Variants in BRIP1 observed in about 807,000 individuals in gnomAD.
The protein encoded by BRIP1 is BRCA1 interacting DNA helicase 1, also known as Fanconi anemia group J protein.
Under a neutral mutation model 119.7 loss-of-function variants are expected in BRIP1, and 88 were observed. The ratio of observed to expected loss-of-function variants is 0.74; its 90% CI spans 0.62 to 0.88. The LOEUF is 0.88. BRIP1 is among the 40% of genes least tolerant of loss of function. The pLI is 0.00. For missense variants in BRIP1, 1,259 were observed against 1,455.4 expected (o/e 0.87, Z 2.20); for synonymous variants, 443 against 496.5 (o/e 0.89, Z 1.43).
chr17:61,825,813 A>G lies in BRIP1; in HGVS notation c.628-17056T>C, dbSNP rs2078398836. On this transcript the variant is annotated intron_variant, in intron 6 of 19. Coordinates refer to ENST00000259008, the MANE Select transcript of BRIP1 (RefSeq NM_032043.3). This position sits in a 1 kb window ranked among gnomAD's most constrained non-coding sequence, Gnocchi z 4.1. The stretch of plus-strand genomic sequence containing the variant: ...GGATAGGAATAATCAGTATCATTAA[A>G]AAGGTCATACTGCCCAAAGCAATTT... Among the ~76,000 whole-genome samples, 1 of 152,140 alleles carries G rather than the reference A, an allele frequency of 6.6e-6. No individual in the cohort carries two copies. Among genetic ancestry groups the G allele is most frequent in the Non-Finnish European group, 1.5e-5 (1 of 68,018 alleles).
chr17:61,714,298 C>T (rs774895596), intron 17 of BRIP1, among the ~76,000 whole-genome samples: 4 of 152,194 alleles, frequency 2.6e-5, no homozygotes, highest in Admixed American at 6.5e-5. Context: ...ACTACTTGAT[C>T]GACTCACTCA....
rs967568379 is a variant in BRIP1 at position 61,701,599 on chromosome 17, T to C, written c.2493-8087A>G. On this transcript the variant is annotated intron_variant, in intron 17 of 19. Coordinates refer to ENST00000259008, the MANE Select transcript of BRIP1 (RefSeq NM_032043.3). This position sits in a 1 kb window ranked among gnomAD's most constrained non-coding sequence, Gnocchi z 5.1. ...TTTCTTAGCATGTCCACATCACTGG[T>C]CACATGCACTCTCCTACACATATGC... 1.3e-5 allele frequency among the ~76,000 whole-genome samples: 2 copies of C among 152,222 alleles called. No homozygotes were observed. Among genetic ancestry groups the C allele is most frequent in the Non-Finnish European group, 2.9e-5 (2 of 68,032 alleles).
chr17:61,728,626 C>T (rs1370313392), intron 16 of BRIP1, among the ~76,000 whole-genome samples: 2 of 152,028 alleles, frequency 1.3e-5, no homozygotes, highest in African/African-American at 2.4e-5. Context: ...GGATGTGTAC[C>T]GCAAAGATGA....
At position 61,832,405 on chromosome 17, in the gene BRIP1, G is replaced by A. The variant is rs2078506672; in HGVS notation, c.627+14696C>T. ...TAATTTCAGAGTTCTTCCCCATAAAGTCCTCTTTTATAAAGGCAAAAAGAT... is the reference window on the plus strand; with the variant it reads ...TAATTTCAGAGTTCTTCCCCATAAAATCCTCTTTTATAAAGGCAAAAAGAT... On this transcript the variant is annotated intron_variant, in intron 6 of 19. Transcript: ENST00000259008. The surrounding 1 kb of genome is among the most constrained non-coding windows in gnomAD (Gnocchi z 5.5). Among the ~76,000 whole-genome samples the A allele has an allele frequency of 6.6e-6, 1 of 152,026 alleles. No individual in the cohort carries two copies. Among genetic ancestry groups the A allele is most frequent in the South Asian group, 2.1e-4 (1 of 4,822 alleles).
chr17:61,763,688 G>A (rs896808511), intron 14 of BRIP1, among the ~76,000 whole-genome samples: 7 of 152,092 alleles, frequency 4.6e-5, no homozygotes, highest in Non-Finnish European at 1.0e-4. Context: ...TAACCCTTGA[G>A]TTAACTAGAT....
rs1158584565 is a variant in BRIP1 at position 61,804,408 on chromosome 17, ATATGTGTGTGTG to A, written c.919-2946_919-2935del. 2.4e-5 allele frequency among the ~76,000 whole-genome samples: 3 copies of A among 123,564 alleles called. No individual in the cohort carries two copies. Among genetic ancestry groups the A allele is most frequent in the Non-Finnish European group, 3.3e-5 (2 of 60,064 alleles). The allele number at this position is 123,564 out of a possible 152,430, so 81.1% of individuals were successfully genotyped here. The stretch of plus-strand genomic sequence containing the variant: ...AAAAGACTTTGAGGCAGCTATATAC[ATATGTGTGTGTG>A]TGTGTGTGTGTGTGTGTGTGTGTGT... On this transcript the variant is annotated intron_variant, in intron 7 of 19. Coordinates refer to ENST00000259008, the MANE Select transcript of BRIP1 (RefSeq NM_032043.3). This position sits in a 1 kb window ranked among gnomAD's most constrained non-coding sequence, Gnocchi z 4.5.
intron 11 of BRIP1, among the ~76,000 whole-genome samples, chr17:61,782,151 C>T (rs1216786860): frequency 3.0e-4 from 45 of 151,730 alleles, no homozygotes; most frequent in African/African-American, 1.1e-3. Flanking sequence ...TTTGGGAGGC[C>T]GAGGTGGGCG....
Position 61,738,067 on chromosome 17 carries a change from A to G in BRIP1, c.2379+4946T>C, listed in dbSNP as rs2076941706. 6.6e-6 allele frequency among the ~76,000 whole-genome samples: 1 copy of G among 152,174 alleles called. No individual in the cohort carries two copies. Among genetic ancestry groups the G allele is most frequent in the African/African-American group, 2.4e-5 (1 of 41,446 alleles). ...GCCTTGGCTAGTCTGTTGGTCCACA[A>G]AGAATGAAATACAGGTGGAACAGAG... On this transcript the variant is annotated intron_variant, in intron 16 of 19. Coordinates refer to ENST00000259008, the MANE Select transcript of BRIP1 (RefSeq NM_032043.3). This position sits in a 1 kb window ranked among gnomAD's most constrained non-coding sequence, Gnocchi z 4.2.
intron 17 of BRIP1, among the ~76,000 whole-genome samples, chr17:61,711,807 G>A (rs1490423283): frequency 6.6e-6 from 1 of 151,966 alleles, no homozygotes; most frequent in African/African-American, 2.4e-5. Flanking sequence ...GGTAGAGGTT[G>A]CAGTGAACTG....
chr17:61,772,541 G>A (rs1031895924), intron 14 of BRIP1, among the ~76,000 whole-genome samples: 73 of 152,152 alleles, frequency 4.8e-4, no homozygotes, highest in African/African-American at 1.3e-3. Flanking sequence ...TGCTAAGGCC[G>A]AACGCAGTGG....
At position 61,758,588 on chromosome 17, in the gene BRIP1, T is replaced by C. The variant is rs897632740; in HGVS notation, c.2098-13997A>G. On this transcript the variant is annotated intron_variant, in intron 14 of 19. Coordinates refer to ENST00000259008, the MANE Select transcript of BRIP1 (RefSeq NM_032043.3). The surrounding 1 kb of genome is among the most constrained non-coding windows in gnomAD (Gnocchi z 5.3). ...ATTACAGTGCAGTGCATAACAAACATAGAAAGGCCTCAAGGCATACCACTA... is the reference window on the plus strand; with the variant it reads ...ATTACAGTGCAGTGCATAACAAACACAGAAAGGCCTCAAGGCATACCACTA... Among the ~76,000 whole-genome samples, 5 of 152,084 alleles carry C rather than the reference T, an allele frequency of 3.3e-5. No homozygotes were observed. Among genetic ancestry groups the C allele is most frequent in the Admixed American group, 2.0e-4 (3 of 15,258 alleles).
In BRIP1 at chr17:61,744,921, C is replaced by T. The variant is rs1434521351; in HGVS notation, c.2098-330G>A. 4.0e-5 allele frequency among the ~76,000 whole-genome samples: 6 copies of T among 150,792 alleles called. No individual in the cohort carries two copies. The highest frequency in any genetic ancestry group is 4.9e-5 in the African/African-American group (2 of 41,138). ...TCTTGGCAATTTCTACCACCACCAC[C>T]ACTACTACTACTACTACTACTATCT... On this transcript the variant is annotated intron_variant, in intron 14 of 19. Transcript: ENST00000259008. This position sits in a 1 kb window ranked among gnomAD's most constrained non-coding sequence, Gnocchi z 5.0.
intron 14 of BRIP1, among the ~76,000 whole-genome samples, chr17:61,750,060 C>T (rs1337795790): frequency 2.0e-5 from 3 of 152,262 alleles, no homozygotes; most frequent in East Asian, 1.9e-4. Flanking sequence ...TCTAGTACTA[C>T]GTTATACAGA....
In BRIP1 at chr17:61,857,853, T is replaced by C. The variant is rs1041562510; in HGVS notation, c.206-622A>G. Among the ~76,000 whole-genome samples, 3 of 152,304 alleles carry C rather than the reference T, an allele frequency of 2.0e-5. No homozygotes were observed. Among genetic ancestry groups the C allele is most frequent in the African/African-American group, 4.8e-5 (2 of 41,564 alleles). On this transcript the variant is annotated intron_variant, in intron 3 of 19. Transcript: ENST00000259008. The surrounding 1 kb of genome is among the most constrained non-coding windows in gnomAD (Gnocchi z 5.1). ...AAGTATTCATTTATATTAAGATTTA[T>C]CTAAAATTCAAGAATGGATTGAAAC...
chr17:61,829,677 C>T (rs1428261786), intron 6 of BRIP1, among the ~76,000 whole-genome samples: 1 of 152,040 alleles, frequency 6.6e-6, no homozygotes, highest in Non-Finnish European at 1.5e-5. Context: ...TCTAACCACA[C>T]AAAAATAAAT....
rs1042105182 is a variant in BRIP1, at chr17:61,737,721, G to C, written c.2379+5292C>G. ...TCTGGGCATTTCCAAATAATAAAAA[G>C]CCTTCTTAATCATTATAAAAACTGC... On this transcript the variant is annotated intron_variant, in intron 16 of 19. Coordinates refer to ENST00000259008, the MANE Select transcript of BRIP1 (RefSeq NM_032043.3). 6.6e-5 allele frequency among the ~76,000 whole-genome samples: 10 copies of C among 152,064 alleles called. No individual in the cohort carries two copies. The South Asian group carries it at 1.0e-3, about 16-fold the overall frequency.
Position 61,816,004 on chromosome 17 carries a change from C to A in BRIP1, c.628-7247G>T, listed in dbSNP as rs1019379124. ...ACATAACTATACCTTTTCAACTATTCTTTTTTTAAAAATTCAAACAGTAGT... is the reference window on the plus strand; with the variant it reads ...ACATAACTATACCTTTTCAACTATTATTTTTTTAAAAATTCAAACAGTAGT... On this transcript the variant is annotated intron_variant, in intron 6 of 19. Transcript: ENST00000259008. The surrounding 1 kb of genome is among the most constrained non-coding windows in gnomAD (Gnocchi z 5.0). 1.3e-5 allele frequency among the ~76,000 whole-genome samples: 2 copies of A among 152,136 alleles called. No homozygotes were observed. Among genetic ancestry groups the A allele is most frequent in the African/African-American group, 2.4e-5 (1 of 41,430 alleles).
rs2077425375 is a variant in BRIP1 at position 61,770,026 on chromosome 17, TG to T, written c.2097+6374del. On this transcript the variant is annotated intron_variant, in intron 14 of 19. Coordinates refer to ENST00000259008, the MANE Select transcript of BRIP1 (RefSeq NM_032043.3). The surrounding 1 kb of genome is among the most constrained non-coding windows in gnomAD (Gnocchi z 4.7). ...GGAGGAGGGAAAAAAACAACCATTTTGAAATACGTTCAACGCATTCTCTAAA... is the reference window on the plus strand; with the variant it reads ...GGAGGAGGGAAAAAAACAACCATTTTAAATACGTTCAACGCATTCTCTAAA... 6.6e-6 allele frequency among the ~76,000 whole-genome samples: 1 copy of T among 152,198 alleles called. No individual in the cohort carries two copies. Among genetic ancestry groups the T allele is most frequent in the African/African-American group, 2.4e-5 (1 of 41,452 alleles).
In BRIP1 at chr17:61,768,969, A is replaced by T. The variant is rs1395425172; in HGVS notation, c.2097+7432T>A. The stretch of plus-strand genomic sequence containing the variant: ...GAAAAAAAAAAGTAGTAGTAGTAAT[A>T]AGCTGCCACGTTGTTGAGAGGGCGA... On this transcript the variant is annotated intron_variant, in intron 14 of 19. Coordinates refer to ENST00000259008, the MANE Select transcript of BRIP1 (RefSeq NM_032043.3). The surrounding 1 kb of genome is among the most constrained non-coding windows in gnomAD (Gnocchi z 5.0). Among the ~76,000 whole-genome samples, 3 of 152,166 alleles carry T rather than the reference A, an allele frequency of 2.0e-5. No individual in the cohort carries two copies. In the East Asian group the frequency reaches 5.8e-4, roughly 29 times the overall value.
Sources: gnomAD v4.1 joint callset for allele counts (sites outside exome capture counted in the v4.1 genomes callset) on GRCh38, gnomAD v4.1.1 for gene constraint, Gnocchi (gnomAD v3.1) non-coding constraint, MANE v1.5 for transcripts, NCBI Gene and HGNC (gene_info 2026-07-23, HGNC 2026-07-21) for gene names.